PVT1: variants seen among roughly 807,000 people sequenced by gnomAD.
The protein encoded by PVT1 is CXCR4/PVT1 fusion.
chr8:128,053,699 A>G (rs138142327), intron 4 of PVT1, among the ~76,000 whole-genome samples: 12 of 152,286 alleles, frequency 7.9e-5, no homozygotes, highest in Non-Finnish European at 1.8e-4. Flanking sequence ...TGGCTTTGGA[A>G]CAGAACAGAG....
At position 127,930,602 on chromosome 8, in the gene PVT1, G is replaced by A. The variant is rs1417720487; in HGVS notation, n.782+39604G>A. On this transcript the variant is annotated intron_variant and non_coding_transcript_variant, in intron 3 of 10. Coordinates refer to ENST00000651587, the Ensembl canonical transcript of PVT1. ...TTCAAAACAAAGATGGTGTGTGTGT[G>A]CATCTCCATCTATGAGTTGTTGTGA... 2.0e-5 allele frequency among the ~76,000 whole-genome samples: 3 copies of A among 152,152 alleles called. No individual in the cohort carries two copies. In the East Asian group the frequency reaches 5.8e-4, roughly 29 times the overall value.
At chr8:127,995,039 A>G (rs1044869191) in intron 4 of PVT1, among the ~76,000 whole-genome samples, 2 of 152,200 alleles carry the variant, frequency 1.3e-5, no homozygotes, top group East Asian at 3.9e-4. Flanking sequence ...TTGACACACA[A>G]AATTAACCAT....
At chr8:127,980,425 T>C (rs1259060839) in intron 3 of PVT1, among the ~76,000 whole-genome samples, 1 of 152,192 alleles carries the variant, frequency 6.6e-6, no homozygotes, top group Non-Finnish European at 1.5e-5. Flanking sequence ...GCAACCTGCA[T>C]ACTGGGGGCG....
chr8:127,989,564 G>A (rs980328576), intron 4 of PVT1, among the ~76,000 whole-genome samples: 14 of 152,198 alleles, frequency 9.2e-5, no homozygotes, highest in African/African-American at 3.1e-4. Context: ...ACTTGTAGCA[G>A]AAGGTGCAGG....
At chr8:127,983,879 T>TTTC (rs1403278565) in intron 3 of PVT1, 1 of 147,068 alleles carries the variant, frequency 6.8e-6, no homozygotes, top group East Asian at 2.0e-4. Flanking sequence ...GACTTTGATT[T>TTTC]TTTTTTTTTT....
intron 4 of PVT1, among the ~76,000 whole-genome samples, chr8:127,992,877 G>T (rs768058985): frequency 1.3e-5 from 2 of 152,166 alleles, no homozygotes; most frequent in Non-Finnish European, 2.9e-5. Flanking sequence ...TGGTGACACC[G>T]CATCAGCAGG....
chr8:127,966,568 G>A (rs1249424122), intron 3 of PVT1, among the ~76,000 whole-genome samples: 1 of 152,212 alleles, frequency 6.6e-6, no homozygotes, highest in East Asian at 1.9e-4. Context: ...GCAGTGAAGA[G>A]CTTTCTGTAA....
intron 3 of PVT1, among the ~76,000 whole-genome samples, chr8:127,963,516 G>C (rs1816669857): frequency 6.6e-6 from 1 of 152,154 alleles, no homozygotes; most frequent in African/African-American, 2.4e-5. Flanking sequence ...CTAACACAGG[G>C]GGATTTAGCA....
At chr8:128,058,840 C>G (rs1337150296) in intron 4 of PVT1, among the ~76,000 whole-genome samples, 2 of 152,186 alleles carry the variant, frequency 1.3e-5, no homozygotes, top group Admixed American at 6.5e-5. Flanking sequence ...CCCTCCACAG[C>G]AGGGCTTCAG....
intron 2 of PVT1, among the ~76,000 whole-genome samples, chr8:127,809,052 A>AAAAAAAAAAAAAAAAAAAAAAG (rs1554588311): frequency 5.9e-5 from 8 of 135,110 alleles, no homozygotes; most frequent in East Asian, 2.2e-4. Flanking sequence ...AAAAAAAAAA[A>AAAAAAAAAAAAAAAAAAAAAAG]AAAGAAAGAA....
intron 3 of PVT1, among the ~76,000 whole-genome samples, chr8:127,985,184 C>T (rs376795016): frequency 4.5e-4 from 69 of 151,908 alleles, no homozygotes; most frequent in African/African-American, 1.6e-3. Context: ...CAGGTGCCTG[C>T]CACTGCCCCT....
In PVT1 at chr8:127,871,831, G is replaced by A. The variant is rs181670034; in HGVS notation, n.373-18758G>A. Among the ~76,000 whole-genome samples the A allele has an allele frequency of 4.9e-3, 747 of 152,330 alleles. 13 individuals carry two copies. The highest frequency in any genetic ancestry group is 0.017 in the African/African-American group (699 of 41,580). ...TGGCTGAGCGCAGTGGCTCACGCCTGTAATCCCAGCATTTTGGGAGGCCAA... is the reference window on the plus strand; with the variant it reads ...TGGCTGAGCGCAGTGGCTCACGCCTATAATCCCAGCATTTTGGGAGGCCAA... On this transcript the variant is annotated intron_variant and non_coding_transcript_variant, in intron 2 of 10. Transcript: ENST00000651587.
chr8:127,977,353 A>G (rs952923494), intron 3 of PVT1, among the ~76,000 whole-genome samples: 4 of 152,080 alleles, frequency 2.6e-5, no homozygotes, highest in African/African-American at 4.8e-5. Context: ...GTTTTCTCAC[A>G]ATGGAGGCTC....
At chr8:128,009,060 A>C (rs991562701) in intron 4 of PVT1, 1 of 352,180 alleles carries the variant, frequency 2.8e-6, no homozygotes, top group South Asian at 2.3e-5. Context: ...AAGTGACATA[A>C]TCAAGATAAT....
intron 5 of PVT1, among the ~76,000 whole-genome samples, chr8:128,094,611 G>C (rs747882914): frequency 1.3e-5 from 2 of 152,216 alleles, no homozygotes; most frequent in Non-Finnish European, 2.9e-5. Context: ...GAGCAATGAT[G>C]AATACCTACC....
chr8:127,944,728 C>T (rs980182477), intron 3 of PVT1, among the ~76,000 whole-genome samples: 3 of 152,094 alleles, frequency 2.0e-5, no homozygotes, highest in Non-Finnish European at 2.9e-5. Context: ...TGGCAGGATG[C>T]CTCACTGGTA....
intron 2 of PVT1, among the ~76,000 whole-genome samples, chr8:127,863,114 AT>A (rs1485261334): frequency 3.6e-5 from 5 of 140,444 alleles, no homozygotes; most frequent in Non-Finnish European, 7.6e-5. Context: ...TTATTTATTT[AT>A]TTATTTATTT....
chr8:127,798,704 C>CAAAAAAAAA (rs71300266), intron 2 of PVT1, among the ~76,000 whole-genome samples: 133 of 109,656 alleles, frequency 1.2e-3, no homozygotes, highest in African/African-American at 2.3e-3. Context: ...ACTAAAAATA[C>CAAAAAAAAA]AAAAAAAAAA....
At chr8:128,058,017 G>C (rs1013570228) in intron 4 of PVT1, among the ~76,000 whole-genome samples, 5 of 152,160 alleles carry the variant, frequency 3.3e-5, no homozygotes, top group African/African-American at 1.2e-4. Flanking sequence ...TAAGAGGCTG[G>C]ACCCTTCATC....
Sources: allele counts gnomAD v4.1 joint callset (sites outside exome capture counted in the v4.1 genomes callset), GRCh38; gene constraint gnomAD v4.1.1; transcripts MANE v1.5; gene names NCBI Gene and HGNC (gene_info 2026-07-23, HGNC 2026-07-21).